Variants in GRID1 observed in about 807,000 individuals in gnomAD.
GRID1 encodes the protein glutamate receptor ionotropic, delta-1.
In GRID1, 28 loss-of-function variants were observed where a neutral mutation model predicts 98.0. The observed-to-expected ratio is 0.29, with a 90% CI of 0.21 to 0.39. The LOEUF (loss-of-function observed/expected upper bound fraction) is 0.39, where lower values mean the gene tolerates loss of function less well. Among genes scored for constraint, GRID1 ranks in the 10% least tolerant of loss-of-function variants. The pLI, the probability that GRID1 is intolerant of heterozygous loss-of-function variation, is 1.00. For synonymous variants in GRID1, 553 were observed against 538.5 expected, an observed-to-expected ratio of 1.03 and a Z score of -0.37; for missense variants, 1,111 against 1,340.5, an observed-to-expected ratio of 0.83 and a Z score of 2.67.
At chr10:86,125,648 C>G (rs1455120908) in intron 4 of GRID1, among the ~76,000 whole-genome samples, 1 of 152,178 alleles carries the variant, frequency 6.6e-6, no homozygotes, top group Non-Finnish European at 1.5e-5. Flanking sequence ...CAATGTTTCA[C>G]TGAATGTGAC....
intron 8 of GRID1, among the ~76,000 whole-genome samples, chr10:85,821,539 A>AAAAGCAAACAAAC (rs1842772149): frequency 1.1e-4 from 11 of 97,626 alleles, no homozygotes; most frequent in South Asian, 3.7e-4. Flanking sequence ...AAAAAAAAAA[A>AAAAGCAAACAAAC]AAAAAAGAAA....
chr10:85,897,717 A>G (rs1178736086), intron 5 of GRID1, among the ~76,000 whole-genome samples: 1 of 152,236 alleles, frequency 6.6e-6, no homozygotes, highest in Non-Finnish European at 1.5e-5. Flanking sequence ...TTGATCCATT[A>G]TCAATTTTTT....
intron 2 of GRID1, among the ~76,000 whole-genome samples, chr10:86,356,083 C>A (rs12260408): frequency 0.011 from 1,712 of 152,272 alleles, 35 homozygotes; most frequent in African/African-American, 0.039. Context: ...CTTGTCCAGG[C>A]ACTAGTTTAC....
At chr10:86,194,380 A>G (rs185936510) in intron 3 of GRID1, among the ~76,000 whole-genome samples, 1 of 152,272 alleles carries the variant, frequency 6.6e-6, no homozygotes, top group Admixed American at 6.5e-5. Context: ...AATATGGAGC[A>G]AAAGCTGCAA....
At position 85,619,583 on chromosome 10, in the gene GRID1, T is replaced by C. The variant is rs77203109; in HGVS notation, c.2360+284A>G. 6.3e-3 allele frequency among the ~76,000 whole-genome samples: 966 copies of C among 152,240 alleles called. 3 individuals are homozygous for C. Among genetic ancestry groups the C allele is most frequent in the Non-Finnish European group, 0.012 (800 of 68,014 alleles). ...TGCCGTTTTCTCCCTGCCTCTACCC[T>C]AGCATCCTGAAGACGTCCTTGCCAT... On this transcript the variant is annotated intron_variant, in intron 14 of 15. Coordinates refer to ENST00000327946, the MANE Select transcript of GRID1 (RefSeq NM_017551.3).
chr10:86,364,247 C>G, intron 1 of GRID1, 151 bp from the exon 2 acceptor site: 1 of 637,844 alleles, frequency 1.6e-6, no homozygotes, highest in South Asian at 1.9e-5. Context: ...GATTAAGGCT[C>G]TCCGATCTCC....
intron 13 of GRID1, among the ~76,000 whole-genome samples, chr10:85,621,928 G>A (rs1379313729): frequency 6.6e-6 from 1 of 152,146 alleles, no homozygotes; most frequent in Admixed American, 6.5e-5. Flanking sequence ...ATCCATGCTT[G>A]CAATTCAACA....
At chr10:85,744,070 A>G (rs922776776) in intron 8 of GRID1, among the ~76,000 whole-genome samples, 22 of 152,194 alleles carry the variant, frequency 1.4e-4, no homozygotes, top group Non-Finnish European at 7.3e-5. Context: ...TGCAAAGATC[A>G]ACTCCTGCAG....
At chr10:85,658,951 A>G (rs984411240) in intron 12 of GRID1, among the ~76,000 whole-genome samples, 1 of 152,220 alleles carries the variant, frequency 6.6e-6, no homozygotes, top group African/African-American at 2.4e-5. Context: ...TGTCCATAAA[A>G]TACTTAGAGG....
At chr10:85,993,155 G>A (rs1482714353) in intron 4 of GRID1, among the ~76,000 whole-genome samples, 1 of 152,194 alleles carries the variant, frequency 6.6e-6, no homozygotes, top group Non-Finnish European at 1.5e-5. Flanking sequence ...AGGTAAGTAA[G>A]GTAAGAGAAG....
intron 4 of GRID1, among the ~76,000 whole-genome samples, chr10:86,131,223 C>T (rs1463558516): frequency 6.6e-6 from 1 of 152,158 alleles, no homozygotes; most frequent in East Asian, 1.9e-4. Flanking sequence ...CCGCTGAGCT[C>T]CCCAATCAGC....
intron 4 of GRID1, among the ~76,000 whole-genome samples, chr10:86,008,472 C>T (rs1289676695): frequency 1.3e-5 from 2 of 151,916 alleles, no homozygotes; most frequent in Non-Finnish European, 2.9e-5. Flanking sequence ...GTAAAAAAGA[C>T]AAATGGAAAA....
intron 12 of GRID1, among the ~76,000 whole-genome samples, chr10:85,693,854 C>A (rs1841360299): frequency 6.6e-6 from 1 of 152,084 alleles, no homozygotes; most frequent in Non-Finnish European, 1.5e-5. Flanking sequence ...AAGGGCAAAC[C>A]AGACATTGAT....
At chr10:85,821,703 T>A (rs536615657) in intron 8 of GRID1, among the ~76,000 whole-genome samples, 1 of 151,990 alleles carries the variant, frequency 6.6e-6, no homozygotes, top group East Asian at 1.9e-4. Flanking sequence ...TGTGTATATA[T>A]CCTGAAAATT....
intron 5 of GRID1, among the ~76,000 whole-genome samples, chr10:85,905,598 C>A (rs978087106): frequency 6.6e-6 from 1 of 151,956 alleles, no homozygotes; most frequent in Non-Finnish European, 1.5e-5. Flanking sequence ...TTTATTATAA[C>A]AATTACATTG....
chr10:85,769,967 G>C (rs1390626285), intron 8 of GRID1, among the ~76,000 whole-genome samples: 2 of 152,240 alleles, frequency 1.3e-5, no homozygotes, highest in East Asian at 3.9e-4. Flanking sequence ...GCTTTGAAGA[G>C]AGCAGTGGTT....
intron 4 of GRID1, among the ~76,000 whole-genome samples, chr10:85,983,763 T>A (rs1456529378): frequency 6.6e-6 from 1 of 152,052 alleles, no homozygotes; most frequent in Admixed American, 6.5e-5. Context: ...CCCCAGATGC[T>A]CCTCAAGGCT....
Position 85,599,788 on chromosome 10 carries a change from T to TAAAAAAAAAAAAAAAAAAA in GRID1, c.*2484_*2485insTTTTTTTTTTTTTTTTTTT, listed in dbSNP as rs1220249442. ...CCCTCATGCCAAGGGTAGAAAATTC[T>TAAAAAAAAAAAAAAAAAAA]AAAAAAAAAAAAAAATATATATATA... On this transcript the variant is annotated 3_prime_UTR_variant, in exon 16 of 16. Transcript: ENST00000327946. 1.1e-3 allele frequency: 80 copies of TAAAAAAAAAAAAAAAAAAA among 76,036 alleles called. 1 individual carries two copies. Among genetic ancestry groups the TAAAAAAAAAAAAAAAAAAA allele is most frequent in the Non-Finnish European group, 1.3e-3 (60 of 44,610 alleles). 4.7% of individuals were successfully genotyped at this position (76,036 alleles called of 1,614,324 possible).
chr10:85,602,627 C>T lies in GRID1; in HGVS notation c.2676G>A (p.Gln892=), dbSNP rs1245861270. 5 of 1,614,006 alleles carry T rather than the reference C, an allele frequency of 3.1e-6. No homozygotes were observed. In the African/African-American group the frequency reaches 5.3e-5, roughly 17 times the overall value. ...AGAGCTCAATCGACGCTGGGGAAAT[C>T]TGCTTGTGAGCAATGTCTTCATCCA... ...SLMDEDIAHK[Q]ISPASIELSA... is the part of the protein sequence containing the mutation. The change falls in exon 16 of 16, where the codon CAG becomes CAA. Residue 892 remains glutamine (Q), a synonymous_variant. Coordinates refer to ENST00000327946, the MANE Select transcript of GRID1 (RefSeq NM_017551.3).
Sources: gnomAD v4.1 joint callset for allele counts (sites outside exome capture counted in the v4.1 genomes callset) on GRCh38, gnomAD v4.1.1 for gene constraint, MANE v1.5 for transcripts, NCBI Gene and HGNC (gene_info 2026-07-23, HGNC 2026-07-21) for gene names.